MBP: variants seen among roughly 807,000 people sequenced by gnomAD.
MBP encodes Golli-MBP.
In MBP, 16 loss-of-function variants were observed where a neutral mutation model predicts 35.8. The observed-to-expected ratio is 0.45, with a 90% CI of 0.30 to 0.68. The LOEUF (loss-of-function observed/expected upper bound fraction) is 0.68, where lower values mean the gene tolerates loss of function less well. Among genes scored for constraint, MBP ranks in the 30% least tolerant of loss-of-function variants. MBP has a pLI of 0.08. For missense variants in MBP, 380 were observed against 404.7 expected, an observed-to-expected ratio of 0.94 and a Z score of 0.52; for synonymous variants, 143 against 159.6, an observed-to-expected ratio of 0.90 and a Z score of 0.78.
chr18:77,066,127 T>G, intron 3 of MBP, 171 bp downstream of exon 3: 1 of 616,274 alleles, frequency 1.6e-6, no homozygotes, highest in South Asian at 2.1e-5. Context: ...CCCCATGAAG[T>G]GTGCGATTAC....
At chr18:77,126,902 T>A (rs1167628114) in intron 1 of MBP, among the ~76,000 whole-genome samples, 6 of 152,214 alleles carry the variant, frequency 3.9e-5, no homozygotes, top group African/African-American at 1.4e-4. Flanking sequence ...TAATTACCCA[T>A]AGAGAGACAA....
chr18:77,045,387 GCCT>G (rs1399238319), intron 3 of MBP, among the ~76,000 whole-genome samples: 943 of 150,424 alleles, frequency 6.3e-3, no homozygotes, highest in Middle Eastern at 0.011. Flanking sequence ...AGCAGCACCT[GCCT>G]GCACCAGGTC....
Position 76,990,004 on chromosome 18 carries a change from G to A in MBP, c.633C>T (p.His211=), listed in dbSNP as rs759500981. Residue 211 remains histidine, a synonymous_variant, in exon 5 of 9, where the codon CAC becomes CAT. Coordinates refer to ENST00000355994, the MANE Select transcript of MBP (RefSeq NM_001025101.2). The part of the protein sequence containing the change: ...AHYGSLPQKS[H]GRTQDENPVV... Reference sequence around the variant, plus strand: ...CGGGGTTTTCATCTTGGGTCCGGCCGTGTGACTTCTGGGGCAGGGAGCCGT... The same window carrying A: ...CGGGGTTTTCATCTTGGGTCCGGCCATGTGACTTCTGGGGCAGGGAGCCGT... The A allele has an allele frequency of 4.3e-6, 7 of 1,612,784 alleles. No homozygotes were observed. The Admixed American group carries it at 5.0e-5, about 12-fold the overall frequency.
At chr18:77,001,703 A>T (rs896101694) in intron 4 of MBP, among the ~76,000 whole-genome samples, 1 of 152,152 alleles carries the variant, frequency 6.6e-6, no homozygotes. Flanking sequence ...TACGAGAATT[A>T]GCTGGGCGTG....
At chr18:77,015,980 T>G in intron 4 of MBP, 1 of 985,354 alleles carries the variant, frequency 1.0e-6, no homozygotes, top group Non-Finnish European at 1.2e-6. Flanking sequence ...TGGGAAAAAC[T>G]TCTTTCTCTC....
intron 1 of MBP, among the ~76,000 whole-genome samples, chr18:77,124,234 C>T (rs1023665442): frequency 6.6e-6 from 1 of 152,198 alleles, no homozygotes; most frequent in African/African-American, 2.4e-5. Flanking sequence ...CTCTTTATTA[C>T]TTGCCTTTTT....
At chr18:77,009,891 G>C (rs1451716621) in intron 4 of MBP, 1 of 1,596,278 alleles carries the variant, frequency 6.3e-7, no homozygotes, top group East Asian at 2.3e-5. Context: ...GGGCATGAGA[G>C]GGCAGAGGGC....
At chr18:77,050,703 G>A (rs1034803688) in intron 3 of MBP, among the ~76,000 whole-genome samples, 5 of 152,056 alleles carry the variant, frequency 3.3e-5, no homozygotes, top group African/African-American at 7.2e-5. Flanking sequence ...GTGCCATCAC[G>A]CCCAGCTAAT....
At chr18:76,990,498 G>T (rs1969837834) in intron 4 of MBP, among the ~76,000 whole-genome samples, 1 of 152,180 alleles carries the variant, frequency 6.6e-6, no homozygotes, top group Admixed American at 6.5e-5. Context: ...TGAGGGATTT[G>T]ATCAGATTTG....
In MBP at chr18:76,989,798, C is replaced by T. The variant is rs760473048; in HGVS notation, c.681+158G>A. On this transcript the variant is annotated intron_variant, in intron 5 of 8. Coordinates refer to ENST00000355994, the MANE Select transcript of MBP (RefSeq NM_001025101.2). This position sits in a 1 kb window ranked among gnomAD's most constrained non-coding sequence, Gnocchi z 4.0. Reference sequence around the variant, plus strand: ...TCGGGAAGCGCTTGCCTGGAACTCGCGATCAGGTGCGAGGGGGGAGTTCCC... The same window carrying T: ...TCGGGAAGCGCTTGCCTGGAACTCGTGATCAGGTGCGAGGGGGGAGTTCCC... The T allele has an allele frequency of 1.8e-4, 115 of 632,410 alleles. No homozygotes were observed. The highest frequency in any genetic ancestry group is 2.6e-4 in the Non-Finnish European group (90 of 351,938). 39.2% of individuals were successfully genotyped at this position (632,410 alleles called of 1,614,324 possible).
intron 4 of MBP, chr18:77,016,071 G>A (rs1971606812): frequency 5.1e-6 from 5 of 984,990 alleles, no homozygotes; most frequent in Non-Finnish European, 6.0e-6. Flanking sequence ...AGGGACCAGC[G>A]CTTTGATGAA....
intron 3 of MBP, among the ~76,000 whole-genome samples, chr18:77,018,581 C>G (rs896201047): frequency 2.0e-5 from 3 of 146,812 alleles, no homozygotes; most frequent in African/African-American, 7.8e-5. Context: ...TCCATCCATT[C>G]ATCCATCCAC....
At chr18:77,037,609 C>T (rs1176736175) in intron 3 of MBP, among the ~76,000 whole-genome samples, 1 of 152,226 alleles carries the variant, frequency 6.6e-6, no homozygotes, top group Non-Finnish European at 1.5e-5. Flanking sequence ...TTCCAACTTC[C>T]AAGCTGACCA....
intron 1 of MBP, among the ~76,000 whole-genome samples, chr18:77,126,805 C>A (rs1272400513): frequency 6.6e-6 from 1 of 152,176 alleles, no homozygotes; most frequent in African/African-American, 2.4e-5. Context: ...GAAAATAAAA[C>A]ACTTATGTAC....
intron 2 of MBP, among the ~76,000 whole-genome samples, chr18:77,084,625 G>C (rs1355989652): frequency 1.3e-5 from 2 of 152,002 alleles, no homozygotes; most frequent in African/African-American, 4.8e-5. Flanking sequence ...CTCACCTCCC[G>C]GAATGCACAC....
chr18:77,043,178 G>C (rs1973085446), intron 3 of MBP, among the ~76,000 whole-genome samples: 1 of 152,152 alleles, frequency 6.6e-6, no homozygotes, highest in Non-Finnish European at 1.5e-5. Context: ...ATCTAGAGGA[G>C]GTAGAGACTT....
chr18:77,027,970 G>A (rs1244721767), intron 3 of MBP, among the ~76,000 whole-genome samples: 2 of 143,202 alleles, frequency 1.4e-5, no homozygotes, highest in Non-Finnish European at 3.1e-5. Flanking sequence ...ATGAGCCACT[G>A]CCCCAGCTAA....
At chr18:77,128,743 T>C (rs2145260061) in intron 1 of MBP, among the ~76,000 whole-genome samples, 1 of 152,340 alleles carries the variant, frequency 6.6e-6, no homozygotes, top group Non-Finnish European at 1.5e-5. Context: ...TTTACTACAT[T>C]GCTTCAGTGA....
intron 3 of MBP, among the ~76,000 whole-genome samples, chr18:77,047,877 T>C (rs1973320168): frequency 6.6e-6 from 1 of 152,214 alleles, no homozygotes; most frequent in Non-Finnish European, 1.5e-5. Context: ...AGGTATGTAT[T>C]ATGCAATCAA....
Sources: gnomAD v4.1 joint callset for allele counts (sites outside exome capture counted in the v4.1 genomes callset) on GRCh38, gnomAD v4.1.1 for gene constraint, Gnocchi (gnomAD v3.1) non-coding constraint, MANE v1.5 for transcripts, NCBI Gene and HGNC (gene_info 2026-07-23, HGNC 2026-07-21) for gene names.